The following PRH1 variants were observed in gnomAD, a reference collection of about 807,000 sequenced individuals.
PRH1 encodes the protein proline rich protein HaeIII subfamily 1.
Under a neutral mutation model 7.9 loss-of-function variants are expected in PRH1, and 7 were observed. That is an observed-to-expected ratio of 0.89 (90% CI 0.50 to 1.67). The LOEUF (loss-of-function observed/expected upper bound fraction) is 1.67, where lower values mean the gene tolerates loss of function less well. Among genes scored for constraint, PRH1 ranks in the 40% most tolerant of loss-of-function variants. PRH1 has a pLI of 0.00. For missense variants in PRH1, 109 were observed against 223.6 expected (o/e 0.49, Z 3.27); for synonymous variants, 45 against 80.8 (o/e 0.56, Z 2.38).
chr12:11,021,708 C>G (rs554158403), intron 1 of PRH1: 2 of 1,612,830 alleles, frequency 1.2e-6, no homozygotes, highest in East Asian at 2.2e-5. Flanking sequence ...AAAGAAAGGT[C>G]TGTTTTAGCT....
chr12:11,035,471 TG>T (rs1258692177), intron 1 of PRH1, among the ~76,000 whole-genome samples: 5 of 152,236 alleles, frequency 3.3e-5, no homozygotes, highest in African/African-American at 1.2e-4. Flanking sequence ...TTTGTCTTAT[TG>T]TTTTAGAAGT....
chr12:10,953,364 G>A (rs140629313), intron 2 of PRH1, among the ~76,000 whole-genome samples: 5 of 152,216 alleles, frequency 3.3e-5, no homozygotes, highest in African/African-American at 7.2e-5. Context: ...TCTGAGGAAC[G>A]CCATAAAATG....
intron 1 of PRH1, among the ~76,000 whole-genome samples, chr12:11,135,612 T>G (rs1021017325): frequency 6.6e-6 from 1 of 152,144 alleles, no homozygotes; most frequent in Non-Finnish European, 1.5e-5. Flanking sequence ...AAAAGAACTC[T>G]GCTAAACCAA....
At chr12:11,032,695 A>G (rs1591851278) in intron 1 of PRH1, among the ~76,000 whole-genome samples, 1 of 152,272 alleles carries the variant, frequency 6.6e-6, no homozygotes, top group Middle Eastern at 3.4e-3. Context: ...AGTTTCTCTC[A>G]AGTCTAATGT....
At chr12:10,976,243 A>C (rs1250367850) in intron 1 of PRH1, among the ~76,000 whole-genome samples, 1 of 152,226 alleles carries the variant, frequency 6.6e-6, no homozygotes, top group Non-Finnish European at 1.5e-5. Flanking sequence ...CAGCCCTATA[A>C]AAATGTAAGT....
rs1456800955 is a variant in PRH1, at chr12:11,085,138, T to G, written n.124-37950A>C. ...CCCAACCCTTATTCATATTCTTTATTACTTTTCCTAATATTTTTCTTCAAG... is the reference window on the plus strand; with the variant it reads ...CCCAACCCTTATTCATATTCTTTATGACTTTTCCTAATATTTTTCTTCAAG... On this transcript the variant is annotated intron_variant and non_coding_transcript_variant, in intron 1 of 4. Coordinates refer to the PRH1 transcript ENST00000541977. Among the ~76,000 whole-genome samples the G allele has an allele frequency of 2.6e-4, 7 of 27,008 alleles. 2 individuals are homozygous for G. Among genetic ancestry groups the G allele is most frequent in the African/African-American group, 4.4e-4 (7 of 15,940 alleles). The allele number at this position is 27,008 out of a possible 152,430, so 17.7% of individuals were successfully genotyped here.
At chr12:11,139,734 G>T (rs1176425689) in intron 1 of PRH1, among the ~76,000 whole-genome samples, 1 of 152,120 alleles carries the variant, frequency 6.6e-6, no homozygotes, top group Admixed American at 6.5e-5. Flanking sequence ...CTGAAACTCA[G>T]TGATACGCAT....
chr12:11,042,620 A>ATTTTTTTTTTTTT (rs1337131350), intron 1 of PRH1, among the ~76,000 whole-genome samples: 5 of 92,914 alleles, frequency 5.4e-5, no homozygotes, highest in African/African-American at 1.6e-4. Context: ...TTCCAGGCTC[A>ATTTTTTTTTTTTT]TTCTTTTTTT....
chr12:11,039,618 G>A (rs1942617294), intron 1 of PRH1, among the ~76,000 whole-genome samples: 2 of 152,252 alleles, frequency 1.3e-5, no homozygotes, highest in Admixed American at 6.5e-5. Flanking sequence ...GGTAAAGGGA[G>A]CTTGGGCATA....
intron 1 of PRH1, among the ~76,000 whole-genome samples, chr12:11,112,052 G>T (rs900895695): frequency 6.6e-6 from 1 of 152,144 alleles, no homozygotes. Flanking sequence ...AGAAAATTTA[G>T]AAGAAATGGA....
chr12:10,908,546 T>A, intron 2 of PRH1: 1 of 1,613,970 alleles, frequency 6.2e-7, no homozygotes, highest in Non-Finnish European at 8.5e-7. Context: ...CAGAAATCCA[T>A]GATATGAGAA....
chr12:10,906,607 C>T (rs1224613031), intron 2 of PRH1, among the ~76,000 whole-genome samples: 1 of 152,086 alleles, frequency 6.6e-6, no homozygotes, highest in Non-Finnish European at 1.5e-5. Context: ...GGGGTGGTTT[C>T]CCCCATACTG....
chr12:11,126,594 T>C (rs895726761), intron 1 of PRH1, among the ~76,000 whole-genome samples: 14 of 151,468 alleles, frequency 9.2e-5, no homozygotes, highest in African/African-American at 3.4e-4. Context: ...TGTGTATATG[T>C]ATTCTGATAA....
At position 10,883,220 on chromosome 12, in the gene PRH1, C is replaced by T. The variant is rs988540466; in HGVS notation, c.65-124G>A. On this transcript the variant is annotated intron_variant, in intron 1 of 3. Coordinates refer to ENST00000543626, the MANE Select transcript of PRH1 (RefSeq NM_001393989.1). ...GCATCCCCTTTGTGATCTCATCAGC[C>T]ACTCTCTGATGCTACTGGAAGTGGA... 1.5e-5 allele frequency: 16 copies of T among 1,093,530 alleles called. No homozygotes were observed. In the African/African-American group the frequency reaches 1.9e-4, roughly 13 times the overall value. The allele number at this position is 1,093,530 out of a possible 1,614,324, so 67.7% of individuals were successfully genotyped here. A position where few individuals can be genotyped will look rare whatever the true frequency, so the allele number is the denominator to read the frequency against.
At chr12:11,030,984 A>G in intron 1 of PRH1, 2 of 1,614,286 alleles carry the variant, frequency 1.2e-6, no homozygotes, top group African/African-American at 2.7e-5. Flanking sequence ...AAGTGAAGAA[A>G]AATAAGGTTG....
chr12:10,981,912 C>G (rs1591762516), intron 1 of PRH1, among the ~76,000 whole-genome samples: 1 of 144,964 alleles, frequency 6.9e-6, no homozygotes, highest in Non-Finnish European at 1.5e-5. Flanking sequence ...CAAGGCTGAT[C>G]TGAAACTCTC....
intron 1 of PRH1, among the ~76,000 whole-genome samples, chr12:11,034,521 ACAT>A (rs1194930615): frequency 7.0e-5 from 5 of 71,074 alleles, no homozygotes; most frequent in South Asian, 4.3e-4. Flanking sequence ...CCCCAACAAG[ACAT>A]TATTATTTTC....
intron 2 of PRH1, among the ~76,000 whole-genome samples, chr12:10,969,124 A>G (rs991855503): frequency 1.3e-5 from 2 of 152,194 alleles, no homozygotes; most frequent in African/African-American, 4.8e-5. Flanking sequence ...GGAGCTGGAA[A>G]GGGAATGTGA....
intron 1 of PRH1, among the ~76,000 whole-genome samples, chr12:11,036,624 C>A (rs1474100464): frequency 1.3e-5 from 2 of 152,330 alleles, no homozygotes; most frequent in South Asian, 2.1e-4. Flanking sequence ...CATTGAAGGT[C>A]ATCCATAAAT....
Sources: gnomAD v4.1 joint callset for allele counts (sites outside exome capture counted in the v4.1 genomes callset) on GRCh38, gnomAD v4.1.1 for gene constraint, MANE v1.5 for transcripts, NCBI Gene and HGNC (gene_info 2026-07-23, HGNC 2026-07-21) for gene names.